Variants in RBBP8NL observed in about 807,000 individuals in gnomAD.
RBBP8NL encodes RBBP8 N-terminal like, also known as RBBP8 N-terminal-like protein.
Under a neutral mutation model 62.2 loss-of-function variants are expected in RBBP8NL, and 59 were observed. That is an observed-to-expected ratio of 0.95 (90% CI 0.77 to 1.18). The LOEUF (loss-of-function observed/expected upper bound fraction) is 1.18, where lower values mean the gene tolerates loss of function less well. RBBP8NL is among the 50% of genes most tolerant of loss of function. RBBP8NL has a pLI of 0.00. For missense variants in RBBP8NL, 896 were observed against 899.5 expected, an observed-to-expected ratio of 1.00 and a Z score of 0.05; for synonymous variants, 412 against 394.1, an observed-to-expected ratio of 1.05 and a Z score of -0.54.
At chr20:62,425,907 G>A (rs757208093) in intron 1 of RBBP8NL, among the ~76,000 whole-genome samples, 2 of 152,094 alleles carry the variant, frequency 1.3e-5, no homozygotes, top group Admixed American at 6.5e-5. Flanking sequence ...CATAGCAGTG[G>A]CAGTGGCATA....
chr20:62,411,519 C>T (rs1988434315), intron 13 of RBBP8NL, among the ~76,000 whole-genome samples: 1 of 152,254 alleles, frequency 6.6e-6, no homozygotes, highest in Admixed American at 6.5e-5. Context: ...TCTCCCCTCT[C>T]AGCCTCAATT....
rs1462527983 is a variant in RBBP8NL, at chr20:62,410,884, C to T, written c.1989G>A (p.Glu663=). The change falls in exon 14 of 14, where the codon GAG becomes GAA. Residue 663 remains glutamate, a synonymous_variant. Transcript: ENST00000252998. ...SPSPNSSPWE[E]T is the part of the protein sequence containing the mutation. ...GGACCCTGGTGCAGGCTGGCTAGGT[C>T]TCCTCCCAGGGGCTGCTGTTGGGGG... is the stretch of plus-strand genomic sequence containing the variant. The T allele has an allele frequency of 1.2e-6, 2 of 1,610,644 alleles. No homozygotes were observed. Among genetic ancestry groups the T allele is most frequent in the Admixed American group, 1.7e-5 (1 of 59,924 alleles).
In RBBP8NL at chr20:62,419,636, G is replaced by A; in HGVS notation, c.12C>T (p.Phe4=). 6.2e-7 allele frequency: 1 copy of A among 1,613,402 alleles called. No homozygotes were observed. The highest frequency in any genetic ancestry group is 1.7e-5 in the Admixed American group (1 of 60,010). ...CCTTCAGCCTGTTCAGCGACTCCAT[G>A]AAGCTCTCCATGGCTCCCTGTGGCC... MES[F]MESLNRLKEI... The change falls in exon 2 of 14, where the codon TTC becomes TTT. Residue 4 remains phenylalanine, a synonymous_variant. Transcript: ENST00000252998.
chr20:62,410,503 A>G lies in RBBP8NL; in HGVS notation c.*375T>C. 1 of 229,290 alleles carries G rather than the reference A, an allele frequency of 4.4e-6. No individual in the cohort carries two copies. The highest frequency in any genetic ancestry group is 8.6e-6 in the Non-Finnish European group (1 of 116,660). 14.2% of individuals were successfully genotyped at this position (229,290 alleles called of 1,614,324 possible). On this transcript the variant is annotated 3_prime_UTR_variant, in exon 14 of 14. Coordinates refer to ENST00000252998, the MANE Select transcript of RBBP8NL (RefSeq NM_080833.3). ...CTGGAGCCTGAGTGATCCCGCCTCC[A>G]GTCCCCACACCCCTCAGGGAGCAGG...
intron 5 of RBBP8NL, 44 bp from the exon 6 acceptor site, chr20:62,416,280 G>GT: frequency 1.7e-6 from 1 of 602,860 alleles, no homozygotes; most frequent in Non-Finnish European, 2.9e-6. Flanking sequence ...GGTTGGGGGG[G>GT]ACAGGGGCAG....
At position 62,419,660 on chromosome 20, in the gene RBBP8NL, C is replaced by A; in HGVS notation, c.-13G>T. 6.2e-7 allele frequency: 1 copy of A among 1,612,626 alleles called. No homozygotes were observed. Among genetic ancestry groups the A allele is most frequent in the Non-Finnish European group, 8.5e-7 (1 of 1,179,882 alleles). On this transcript the variant is annotated 5_prime_UTR_variant, in exon 2 of 14. Transcript: ENST00000252998. ...TGAAGCTCTCCATGGCTCCCTGTGG[C>A]CCTGGCCCGGGCCCCTCTGCGCTGG...
Position 62,413,882 on chromosome 20 carries a change from G to T in RBBP8NL, c.1469C>A (p.Ala490Glu). The T allele has an allele frequency of 6.3e-7, 1 of 1,596,020 alleles. No homozygotes were observed. The highest frequency in any genetic ancestry group is 8.5e-7 in the Non-Finnish European group (1 of 1,172,084). Residue 490 changes from alanine to glutamate, a missense_variant, in exon 10 of 14, where the codon GCA becomes GAA. Ala to Glu is a moderately radical substitution (Grantham distance 107). Transcript: ENST00000252998. Reference protein sequence around the residue: ...QSGPLTRSPQALSNGTKGTRV... With the variant: ...QSGPLTRSPQELSNGTKGTRV... ...GGTCCCCTTGGTGCCATTGCTGAGT[G>T]CCTGGGGACTGCGAGTCAGGGGTCC...
chr20:62,419,671 G>T lies in RBBP8NL; in HGVS notation c.-24C>A. 1.9e-6 allele frequency: 3 copies of T among 1,611,838 alleles called. No homozygotes were observed. The highest frequency in any genetic ancestry group is 2.5e-6 in the Non-Finnish European group (3 of 1,179,716). On this transcript the variant is annotated 5_prime_UTR_variant, in exon 2 of 14. Transcript: ENST00000252998. ...ATGGCTCCCTGTGGCCCTGGCCCGG[G>T]CCCCTCTGCGCTGGGGTTGTGGAGA...
At chr20:62,426,815 A>G (rs1988820217) in intron 1 of RBBP8NL, among the ~76,000 whole-genome samples, 2 of 152,144 alleles carry the variant, frequency 1.3e-5, no homozygotes. Context: ...TCGTGTGTAC[A>G]CATAAACAGA....
chr20:62,416,097 T>TG, intron 6 of RBBP8NL, 67 bp downstream of exon 6: 1 of 1,515,462 alleles, frequency 6.6e-7, no homozygotes, highest in South Asian at 1.2e-5. Flanking sequence ...CAGGGACGTG[T>TG]GCTGGGTGCT....
chr20:62,416,015 C>A, intron 6 of RBBP8NL, 70 bp from the exon 7 acceptor site: 1 of 1,480,738 alleles, frequency 6.8e-7, no homozygotes, highest in South Asian at 1.3e-5. Flanking sequence ...AAAAGCCGGG[C>A]CCACTCCTGG....
chr20:62,421,194 G>A (rs925171681), intron 1 of RBBP8NL, among the ~76,000 whole-genome samples: 3 of 152,264 alleles, frequency 2.0e-5, no homozygotes, highest in Non-Finnish European at 2.9e-5. Context: ...TGCTTCACGC[G>A]GTCGGGTGGG....
intron 2 of RBBP8NL, 73 bp from the exon 3 acceptor site, chr20:62,418,538 T>G: frequency 7.1e-7 from 1 of 1,418,266 alleles, no homozygotes; most frequent in Non-Finnish European, 9.7e-7. Flanking sequence ...CACCACGGGG[T>G]CTGGGCAGAG....
chr20:62,412,478 T>G (rs746273013), intron 13 of RBBP8NL, 146 bp downstream of exon 13: 2 of 1,084,072 alleles, frequency 1.8e-6, no homozygotes, highest in Non-Finnish European at 2.7e-6. Flanking sequence ...TGGGGTTCAT[T>G]TGGGGAGGGT....
rs41304407 is a variant in RBBP8NL at position 62,418,624 on chromosome 20, C to T, written c.62-159G>A. 1.9e-3 allele frequency among the ~76,000 whole-genome samples: 286 copies of T among 152,272 alleles called. 1 individual carries two copies. The highest frequency in any genetic ancestry group is 3.2e-3 in the Non-Finnish European group (219 of 67,996). On this transcript the variant is annotated intron_variant, in intron 2 of 13. Coordinates refer to ENST00000252998, the MANE Select transcript of RBBP8NL (RefSeq NM_080833.3). ...GTGAGCCCCTGTCTGTGCCCAGGCA[C>T]GGGGCTGCCTGAGGCTCGGTGGTCT...
intron 3 of RBBP8NL, 92 bp downstream of exon 3, chr20:62,418,331 G>A (rs1988626577): frequency 2.4e-6 from 3 of 1,226,460 alleles, no homozygotes; most frequent in East Asian, 5.1e-5. Flanking sequence ...CTGCACCATA[G>A]GACGGTGGTA....
chr20:62,411,099 C>G (rs1022180091), intron 13 of RBBP8NL, 103 bp from the exon 14 acceptor site: 3 of 756,042 alleles, frequency 4.0e-6, no homozygotes, highest in Admixed American at 2.2e-5. Flanking sequence ...GCACGGGGAG[C>G]TGGGTGCTTG....
At chr20:62,424,052 G>T (rs1601491962) in intron 1 of RBBP8NL, among the ~76,000 whole-genome samples, 1 of 150,336 alleles carries the variant, frequency 6.7e-6, no homozygotes, top group African/African-American at 2.4e-5. Context: ...TGTGATGGGG[G>T]AGCAAGCCTA....
intron 1 of RBBP8NL, among the ~76,000 whole-genome samples, chr20:62,421,300 C>CGT (rs1988692468): frequency 1.4e-5 from 2 of 138,400 alleles, no homozygotes; most frequent in African/African-American, 2.8e-5. Flanking sequence ...GTGTGTGTGC[C>CGT]ATGTGTGTGC....
Sources: gnomAD v4.1 joint callset for allele counts (sites outside exome capture counted in the v4.1 genomes callset) on GRCh38, gnomAD v4.1.1 for gene constraint, MANE v1.5 for transcripts, NCBI Gene and HGNC (gene_info 2026-07-23, HGNC 2026-07-21) for gene names.